Variants in SPEF2 observed in about 807,000 individuals in gnomAD.
SPEF2 encodes sperm flagella and cilia-associated protein 2.
A neutral mutation model predicts 224.6 loss-of-function variants in SPEF2; 187 were observed. The observed-to-expected ratio is 0.83, with a 90% CI of 0.74 to 0.94. The LOEUF is 0.94. Among genes scored for constraint, SPEF2 ranks in the 40% least tolerant of loss-of-function variants. SPEF2 has a pLI of 0.00. For synonymous variants in SPEF2, 715 were observed against 707.3 expected (o/e 1.01, Z -0.17); for missense variants, 2,170 against 2,135.6 (o/e 1.02, Z -0.32).
intron 20 of SPEF2, among the ~76,000 whole-genome samples, chr5:35,715,816 C>CTTTTTTT (rs1554040257): frequency 8.5e-6 from 1 of 117,936 alleles, no homozygotes; most frequent in African/African-American, 3.2e-5. Context: ...GATATAATTT[C>CTTTTTTT]TTTTTTTTTT....
At chr5:35,772,143 T>C (rs542558446) in intron 27 of SPEF2, among the ~76,000 whole-genome samples, 5 of 152,316 alleles carry the variant, frequency 3.3e-5, no homozygotes, top group Admixed American at 2.0e-4. Context: ...CAAGTCCTTT[T>C]CTCTTGGAGG....
At chr5:35,734,406 C>T (rs1746182421) in intron 21 of SPEF2, among the ~76,000 whole-genome samples, 1 of 67,370 alleles carries the variant, frequency 1.5e-5, no homozygotes. Flanking sequence ...GAATAATTCT[C>T]TTGGGCCACT....
intron 4 of SPEF2, among the ~76,000 whole-genome samples, chr5:35,645,056 C>T (rs1261403411): frequency 1.3e-5 from 2 of 152,188 alleles, no homozygotes; most frequent in African/African-American, 2.4e-5. Context: ...GACTAACTCT[C>T]TGCTCCTTCT....
chr5:35,659,016 C>T lies in SPEF2; in HGVS notation c.979-3C>T, dbSNP rs1297102257. ...TAACAAATAATTCCCCTGGTGTTTT[C>T]AGGAGGCTTATCGGGAGGAACAGCT... On this transcript the variant is annotated splice_polypyrimidine_tract_variant and splice_region_variant and intron_variant, in intron 7 of 36. Coordinates refer to ENST00000356031, the MANE Select transcript of SPEF2 (RefSeq NM_024867.4). The T allele has an allele frequency of 5.9e-6, 9 of 1,537,700 alleles. No individual in the cohort carries two copies. Among genetic ancestry groups the T allele is most frequent in the Non-Finnish European group, 7.9e-6 (9 of 1,137,904 alleles).
chr5:35,735,467 A>G (rs1241417094), intron 21 of SPEF2, among the ~76,000 whole-genome samples: 1 of 152,244 alleles, frequency 6.6e-6, no homozygotes, highest in Non-Finnish European at 1.5e-5. Flanking sequence ...AACAGAAGAA[A>G]AAGTTTTCCA....
intron 2 of SPEF2, among the ~76,000 whole-genome samples, chr5:35,634,513 G>A (rs1745560981): frequency 6.6e-6 from 1 of 152,024 alleles, no homozygotes; most frequent in East Asian, 1.9e-4. Flanking sequence ...AGTTCATTGA[G>A]CTTCTTGGAT....
rs144292748 is a variant in SPEF2 at position 35,769,081 on chromosome 5, A to C, written c.3802-2528A>C. 4.1e-3 allele frequency among the ~76,000 whole-genome samples: 625 copies of C among 152,278 alleles called. 4 individuals are homozygous for C. Among genetic ancestry groups the C allele is most frequent in the Non-Finnish European group, 5.6e-3 (382 of 68,016 alleles). On this transcript the variant is annotated intron_variant, in intron 26 of 36. Coordinates refer to ENST00000356031, the MANE Select transcript of SPEF2 (RefSeq NM_024867.4). ...GATTGCTGAATGAATTGGGAATTAC[A>C]TTAATTTTTGATAGCAACCCAGAGG...
At chr5:35,706,322 GATT>G (rs1479840829) in intron 18 of SPEF2, among the ~76,000 whole-genome samples, 3 of 151,610 alleles carry the variant, frequency 2.0e-5, no homozygotes, top group African/African-American at 7.3e-5. Context: ...TTATTAAATT[GATT>G]ATTAATTATA....
At chr5:35,721,637 C>T (rs1036271939) in intron 20 of SPEF2, among the ~76,000 whole-genome samples, 1 of 152,206 alleles carries the variant, frequency 6.6e-6, no homozygotes, top group Admixed American at 6.5e-5. Context: ...AAAGGTACCA[C>T]AGCTTTTAAC....
chr5:35,760,595 A>G (rs1751137815), intron 25 of SPEF2, among the ~76,000 whole-genome samples: 1 of 152,196 alleles, frequency 6.6e-6, no homozygotes. Context: ...CAGCAAAAAA[A>G]TAAACTTGGT....
intron 21 of SPEF2, among the ~76,000 whole-genome samples, chr5:35,737,478 C>G (rs1333318964): frequency 6.6e-6 from 1 of 151,052 alleles, no homozygotes; most frequent in Non-Finnish European, 1.5e-5. Context: ...GTTTTTTGTC[C>G]TTGCGATAGT....
At chr5:35,767,720 G>A (rs1194403745) in intron 26 of SPEF2, among the ~76,000 whole-genome samples, 1 of 151,764 alleles carries the variant, frequency 6.6e-6, no homozygotes, top group Non-Finnish European at 1.5e-5. Context: ...AATTTAAATG[G>A]GCAAAATGAA....
chr5:35,810,215 C>G (rs936393612), intron 36 of SPEF2, among the ~76,000 whole-genome samples: 1 of 152,036 alleles, frequency 6.6e-6, no homozygotes, highest in Non-Finnish European at 1.5e-5. Context: ...AAGACTCCCC[C>G]ACTTTATTTT....
In SPEF2 at chr5:35,806,532, G is replaced by C. The variant is rs144922931; in HGVS notation, c.5011-175G>C. Among the ~76,000 whole-genome samples, 1,043 of 152,272 alleles carry C rather than the reference G, an allele frequency of 6.8e-3. 15 individuals are homozygous for C. The highest frequency in any genetic ancestry group is 0.024 in the African/African-American group (995 of 41,546). On this transcript the variant is annotated intron_variant, in intron 34 of 36. Transcript: ENST00000356031. ...ACAAGTAAAACTGGTCTTGAATTTT[G>C]ACATTGTAATTTTCAAGGCAGCTAG... is the stretch of plus-strand genomic sequence containing the variant.
chr5:35,617,905 G>A lies in SPEF2; in HGVS notation c.-93G>A. ...CCTGGATACGCTTCCATAGCAAAGG[G>A]TTGCCCTTGGCTACAGGAGGACGCG... On this transcript the variant is annotated 5_prime_UTR_variant, in exon 1 of 37. Coordinates refer to ENST00000356031, the MANE Select transcript of SPEF2 (RefSeq NM_024867.4). The A allele has an allele frequency of 1.6e-6, 2 of 1,240,880 alleles. No homozygotes were observed. Among genetic ancestry groups the A allele is most frequent in the Non-Finnish European group, 2.3e-6 (2 of 863,586 alleles). The allele number at this position is 1,240,880 out of a possible 1,614,324, so 76.9% of individuals were successfully genotyped here. A position where few individuals can be genotyped will look rare whatever the true frequency, so the allele number is the denominator to read the frequency against.
chr5:35,745,818 C>T (rs1748435120), intron 23 of SPEF2, among the ~76,000 whole-genome samples: 2 of 152,244 alleles, frequency 1.3e-5, no homozygotes, highest in Admixed American at 6.5e-5. Flanking sequence ...CACGCTACTA[C>T]AGCTGATGCT....
chr5:35,664,717 A>G (rs1480129810), intron 8 of SPEF2, among the ~76,000 whole-genome samples: 1 of 136,826 alleles, frequency 7.3e-6, no homozygotes, highest in Admixed American at 7.2e-5. Flanking sequence ...AGAGAGAGAG[A>G]GGGAGGGAGA....
intron 14 of SPEF2, among the ~76,000 whole-genome samples, chr5:35,696,525 T>G (rs1459854785): frequency 1.3e-5 from 2 of 152,220 alleles, no homozygotes; most frequent in Non-Finnish European, 2.9e-5. Context: ...TATATTTACA[T>G]CTATTGATTT....
At chr5:35,703,539 T>C (rs758983793) in intron 16 of SPEF2, among the ~76,000 whole-genome samples, 9 of 151,860 alleles carry the variant, frequency 5.9e-5, no homozygotes, top group South Asian at 2.1e-4. Context: ...ACAAAATTCA[T>C]TGGCCATGGT....
Sources: allele counts gnomAD v4.1 joint callset (sites outside exome capture counted in the v4.1 genomes callset), GRCh38; gene constraint gnomAD v4.1.1; transcripts MANE v1.5; gene names NCBI Gene and HGNC (gene_info 2026-07-23, HGNC 2026-07-21).